The following EYS variants were observed in gnomAD, a reference collection of about 807,000 sequenced individuals.
EYS encodes EGF-like photoreceptor maintenance factor.
A neutral mutation model predicts 282.1 loss-of-function variants in EYS; 250 were observed. The ratio of observed to expected loss-of-function variants is 0.89; its 90% confidence interval spans 0.80 to 0.98. The LOEUF (loss-of-function observed/expected upper bound fraction) is 0.98, where lower values mean the gene tolerates loss of function less well. Ranked by LOEUF, EYS falls within the 50% of genes least tolerant of loss-of-function variation. The probability of loss-of-function intolerance (pLI) is 0.00; values close to 1 mark genes in which losing one functional copy is unlikely to be tolerated. For synonymous variants in EYS, 1,355 were observed against 1,282.9 expected, an observed-to-expected ratio of 1.06 and a Z score of -1.20; for missense variants, 4,016 against 3,709.0, an observed-to-expected ratio of 1.08 and a Z score of -2.15.
chr6:65,482,431 T>C (rs531998039), intron 5 of EYS, among the ~76,000 whole-genome samples: 2 of 152,316 alleles, frequency 1.3e-5, no homozygotes, highest in East Asian at 3.9e-4. Context: ...GGGTTAGAGA[T>C]AGGGTTAAAT....
intron 12 of EYS, among the ~76,000 whole-genome samples, chr6:65,176,977 A>T (rs1043752310): frequency 6.6e-6 from 1 of 151,630 alleles, no homozygotes; most frequent in African/African-American, 2.4e-5. Context: ...ATACCTTTGT[A>T]TTCTGGTTTT....
At chr6:65,296,615 G>A (rs1161469657) in intron 11 of EYS, among the ~76,000 whole-genome samples, 2 of 151,556 alleles carry the variant, frequency 1.3e-5, no homozygotes, top group African/African-American at 4.8e-5. Context: ...GCAATGCCAG[G>A]TATTCTTATA....
intron 1 of EYS, among the ~76,000 whole-genome samples, chr6:65,654,109 T>C (rs902342365): frequency 6.6e-6 from 1 of 151,988 alleles, no homozygotes; most frequent in African/African-American, 2.4e-5. Flanking sequence ...ACTTCAGAGT[T>C]AGTCATAAAT....
chr6:63,744,874 G>A (rs1769174437), intron 41 of EYS: 3 of 291,696 alleles, frequency 1.0e-5, no homozygotes, highest in South Asian at 5.6e-5. Flanking sequence ...GGCCAGATGG[G>A]CTTCTTTTAA....
intron 29 of EYS, among the ~76,000 whole-genome samples, chr6:64,318,238 A>G (rs1454628102): frequency 1.3e-5 from 2 of 152,058 alleles, no homozygotes; most frequent in Non-Finnish European, 2.9e-5. Flanking sequence ...ATTTCTAAAT[A>G]TATCTTCAAT....
chr6:65,037,462 A>G (rs1772804302), intron 13 of EYS, among the ~76,000 whole-genome samples: 2 of 151,858 alleles, frequency 1.3e-5, no homozygotes, highest in African/African-American at 4.8e-5. Context: ...TTCTGAACTT[A>G]AAATAAAAAC....
chr6:63,986,926 AAAT>A (rs773031848), intron 34 of EYS, among the ~76,000 whole-genome samples: 1 of 140,098 alleles, frequency 7.1e-6, no homozygotes, highest in African/African-American at 2.7e-5. Context: ...CCCAAACCTA[AAAT>A]AAAAGTTAAA....
intron 12 of EYS, among the ~76,000 whole-genome samples, chr6:65,099,049 T>C (rs971585038): frequency 2.7e-5 from 4 of 150,814 alleles, no homozygotes; most frequent in African/African-American, 4.8e-5. Context: ...ATGAAGATTA[T>C]GTATTTCAAA....
intron 1 of EYS, among the ~76,000 whole-genome samples, chr6:65,662,605 TC>T (rs1322672624): frequency 1.3e-5 from 2 of 152,202 alleles, no homozygotes; most frequent in African/African-American, 4.8e-5. Flanking sequence ...GTGCTCCACA[TC>T]TTTTGCCCCA....
chr6:65,063,136 T>C (rs1479393336), intron 12 of EYS, among the ~76,000 whole-genome samples: 1 of 151,880 alleles, frequency 6.6e-6, no homozygotes, highest in African/African-American at 2.4e-5. Flanking sequence ...AAAGAAAAAA[T>C]AGAATTATAA....
intron 20 of EYS, 137 bp downstream of exon 20, chr6:64,822,514 A>T (rs1764928445): frequency 1.4e-6 from 1 of 698,898 alleles, no homozygotes; most frequent in East Asian, 2.9e-5. Flanking sequence ...AGCATCTGTC[A>T]TCTTAAATGT....
intron 31 of EYS, among the ~76,000 whole-genome samples, chr6:64,103,729 A>G (rs906707949): frequency 4.6e-5 from 7 of 152,202 alleles, no homozygotes. Flanking sequence ...CAGTAACACT[A>G]AGCTCTCAGC....
chr6:65,015,705 C>A (rs1476770230), intron 13 of EYS, among the ~76,000 whole-genome samples: 1 of 151,482 alleles, frequency 6.6e-6, no homozygotes, highest in African/African-American at 2.4e-5. Context: ...ACAATGATGT[C>A]ATCAATTCAG....
At chr6:64,422,216 G>A (rs56163693) in intron 28 of EYS, among the ~76,000 whole-genome samples, 10 of 151,948 alleles carry the variant, frequency 6.6e-5, no homozygotes, top group African/African-American at 2.4e-4. Flanking sequence ...TTTAAAGGGT[G>A]CCCATTGAAG....
At chr6:63,759,715 C>T (rs1318223923) in intron 41 of EYS, among the ~76,000 whole-genome samples, 1 of 152,052 alleles carries the variant, frequency 6.6e-6, no homozygotes, top group Non-Finnish European at 1.5e-5. Flanking sequence ...ATGTGCATTG[C>T]TTGCTGTGTT....
At chr6:64,775,478 T>C (rs549229523) in intron 22 of EYS, among the ~76,000 whole-genome samples, 41 of 152,180 alleles carry the variant, frequency 2.7e-4, no homozygotes, top group Non-Finnish European at 4.7e-4. Flanking sequence ...TGTTCTCTTT[T>C]ATAAAACGGG....
chr6:65,266,656 G>A (rs1767760674), intron 12 of EYS, among the ~76,000 whole-genome samples: 1 of 151,558 alleles, frequency 6.6e-6, no homozygotes, highest in South Asian at 2.1e-4. Flanking sequence ...AGGGATATTG[G>A]CCTGAAATTT....
At chr6:65,569,454 G>C (rs1764404126) in intron 2 of EYS, among the ~76,000 whole-genome samples, 1 of 152,016 alleles carries the variant, frequency 6.6e-6, no homozygotes, top group Admixed American at 6.6e-5. Flanking sequence ...TCTTGCCTGG[G>C]GACCAGACTG....
chr6:65,452,296 CA>C (rs1764432863), intron 5 of EYS, among the ~76,000 whole-genome samples: 1 of 150,890 alleles, frequency 6.6e-6, no homozygotes, highest in African/African-American at 2.4e-5. Context: ...ACATGAAAAA[CA>C]TTTTAAAGAA....
Sources: gnomAD v4.1 joint callset for allele counts (sites outside exome capture counted in the v4.1 genomes callset) on GRCh38, gnomAD v4.1.1 for gene constraint, MANE v1.5 for transcripts, NCBI Gene and HGNC (gene_info 2026-07-23, HGNC 2026-07-21) for gene names.